Variants in MAGI1 observed in about 807,000 individuals in gnomAD.
MAGI1 encodes membrane associated guanylate kinase, WW and PDZ domain containing 1.
In MAGI1, 58 loss-of-function variants were observed where a neutral mutation model predicts 139.9. That is an observed-to-expected ratio of 0.41 (90% CI 0.34 to 0.52). The LOEUF is 0.52. MAGI1 is among the 20% of genes least tolerant of loss of function. The pLI is 0.12. For missense variants in MAGI1, 1,874 were observed against 1,901.6 expected (o/e 0.99, Z 0.27); for synonymous variants, 812 against 737.9 (o/e 1.10, Z -1.63).
chr3:65,909,941 T>C (rs1252510932), intron 1 of MAGI1, among the ~76,000 whole-genome samples: 1 of 152,078 alleles, frequency 6.6e-6, no homozygotes, highest in Non-Finnish European at 1.5e-5. Context: ...TAGATTCTCA[T>C]AAGGAGCGCA....
chr3:65,461,278 C>T (rs190891105), intron 5 of MAGI1, among the ~76,000 whole-genome samples: 8 of 150,898 alleles, frequency 5.3e-5, no homozygotes, highest in Admixed American at 1.3e-4. Context: ...TGCAGTGACA[C>T]GATCTCGGCT....
At chr3:65,678,907 G>A (rs1022699368) in intron 1 of MAGI1, among the ~76,000 whole-genome samples, 1 of 152,180 alleles carries the variant, frequency 6.6e-6, no homozygotes, top group Non-Finnish European at 1.5e-5. Flanking sequence ...CTATGATGGT[G>A]ATTTTCTATC....
chr3:65,588,054 G>C (rs1015151169), intron 2 of MAGI1, among the ~76,000 whole-genome samples: 11 of 152,000 alleles, frequency 7.2e-5, no homozygotes, highest in African/African-American at 2.4e-4. Context: ...CTCCTTTTCT[G>C]AACAGCCCCA....
chr3:65,888,657 A>T (rs748747366), intron 1 of MAGI1, among the ~76,000 whole-genome samples: 1 of 151,768 alleles, frequency 6.6e-6, no homozygotes, highest in Non-Finnish European at 1.5e-5. Context: ...CACATTTAAG[A>T]ATCTTTAAGA....
intron 1 of MAGI1, among the ~76,000 whole-genome samples, chr3:65,627,485 CTTTTTTTTTTTTTTTTTTTTTTTTT>C (rs779588733): frequency 3.2e-4 from 9 of 28,322 alleles, no homozygotes; most frequent in Non-Finnish European, 5.6e-4. Context: ...ATTTCTGTAT[CTTTTTTTTTTTTTTTTTTTTTTTTT>C]TTTTTTTTTT....
At chr3:65,532,616 G>C (rs2078765103) in intron 2 of MAGI1, 2 of 152,180 alleles carry the variant, frequency 1.3e-5, no homozygotes, top group Admixed American at 1.3e-4. Context: ...AGCAGCCCAA[G>C]CTTGGAGCGT....
At chr3:65,641,478 C>T (rs2084982428) in intron 1 of MAGI1, among the ~76,000 whole-genome samples, 2 of 152,164 alleles carry the variant, frequency 1.3e-5, no homozygotes, top group South Asian at 2.1e-4. Context: ...GGGTTCTAAG[C>T]CTAGCCTACT....
At chr3:65,965,286 T>C (rs1016708048) in intron 1 of MAGI1, among the ~76,000 whole-genome samples, 6 of 152,240 alleles carry the variant, frequency 3.9e-5, no homozygotes, top group Non-Finnish European at 7.3e-5. Context: ...TTGCCACATA[T>C]GGGTACCACT....
At chr3:65,896,044 G>A (rs748134972) in intron 1 of MAGI1, among the ~76,000 whole-genome samples, 4 of 152,138 alleles carry the variant, frequency 2.6e-5, no homozygotes, top group Non-Finnish European at 5.9e-5. Flanking sequence ...AAGTGATGCT[G>A]CAAGGACCAG....
At chr3:65,388,569 T>A (rs1289607648) in intron 14 of MAGI1, among the ~76,000 whole-genome samples, 1 of 152,136 alleles carries the variant, frequency 6.6e-6, no homozygotes, top group East Asian at 1.9e-4. Flanking sequence ...TGATGCACGA[T>A]CATTCCTAGG....
intron 10 of MAGI1, 119 bp from the exon 11 acceptor site, chr3:65,431,000 A>G: frequency 1.1e-6 from 1 of 923,236 alleles, no homozygotes; most frequent in South Asian, 1.7e-5. Context: ...CTTTGGGCAT[A>G]TAGCATCTTA....
chr3:65,752,696 G>A (rs1172242383), intron 1 of MAGI1, among the ~76,000 whole-genome samples: 1 of 152,038 alleles, frequency 6.6e-6, no homozygotes, highest in Non-Finnish European at 1.5e-5. Context: ...CCCTCTTTTT[G>A]GACTAGGCCT....
chr3:65,764,168 A>G (rs1188647117), intron 1 of MAGI1, among the ~76,000 whole-genome samples: 2 of 151,960 alleles, frequency 1.3e-5, no homozygotes, highest in Non-Finnish European at 2.9e-5. Flanking sequence ...TCCTTTTATG[A>G]TCAACATGAA....
At chr3:65,763,385 T>C (rs1239688945) in intron 1 of MAGI1, among the ~76,000 whole-genome samples, 1 of 152,186 alleles carries the variant, frequency 6.6e-6, no homozygotes, top group Non-Finnish European at 1.5e-5. Flanking sequence ...TACATAAATT[T>C]GTAAGCTTTT....
intron 12 of MAGI1, among the ~76,000 whole-genome samples, chr3:65,422,954 G>A (rs1295984298): frequency 6.6e-6 from 1 of 152,106 alleles, no homozygotes; most frequent in Non-Finnish European, 1.5e-5. Flanking sequence ...GTACTTTAAA[G>A]CACTGTAGCT....
intron 1 of MAGI1, among the ~76,000 whole-genome samples, chr3:65,628,350 C>T (rs1559734892): frequency 1.3e-5 from 2 of 151,210 alleles, no homozygotes; most frequent in Non-Finnish European, 2.9e-5. Context: ...TTTATTCCAG[C>T]AAAAAGATAC....
intron 1 of MAGI1, among the ~76,000 whole-genome samples, chr3:65,901,452 T>C (rs2108624071): frequency 6.6e-6 from 1 of 152,348 alleles, no homozygotes; most frequent in Middle Eastern, 3.4e-3. Context: ...TCTTTTCCTT[T>C]CTTGTACAGT....
At chr3:65,797,961 G>A (rs1172009727) in intron 1 of MAGI1, among the ~76,000 whole-genome samples, 1 of 152,060 alleles carries the variant, frequency 6.6e-6, no homozygotes, top group Non-Finnish European at 1.5e-5. Flanking sequence ...GCCCTTGAAA[G>A]GAATATAGTT....
At chr3:65,360,368 T>A (rs75285934) in intron 22 of MAGI1, 32 of 964,678 alleles carry the variant, frequency 3.3e-5, no homozygotes, top group South Asian at 9.6e-5. Flanking sequence ...TTTTTTTTTT[T>A]AATTTTAAAC....
Sources: allele counts gnomAD v4.1 joint callset (sites outside exome capture counted in the v4.1 genomes callset), GRCh38; gene constraint gnomAD v4.1.1; transcripts MANE v1.5; gene names NCBI Gene and HGNC (gene_info 2026-07-23, HGNC 2026-07-21).